Variants in METTL16 observed in about 807,000 individuals in gnomAD.
METTL16 encodes the protein RNA N(6)-adenosine-methyltransferase METTL16.
Under a neutral mutation model 57.9 loss-of-function variants are expected in METTL16, and 19 were observed. The ratio of observed to expected loss-of-function variants is 0.33; its 90% CI spans 0.23 to 0.48. The LOEUF is 0.48. Ranked by LOEUF, METTL16 falls within the 20% of genes least tolerant of loss-of-function variation. The pLI, the probability that METTL16 is intolerant of heterozygous loss-of-function variation, is 0.99. For missense variants in METTL16, 434 were observed against 691.5 expected, an observed-to-expected ratio of 0.63 and a Z score of 4.18; for synonymous variants, 246 against 255.6, an observed-to-expected ratio of 0.96 and a Z score of 0.36.
At chr17:2,456,292 A>T (rs2067109700) in intron 6 of METTL16, among the ~76,000 whole-genome samples, 1 of 152,066 alleles carries the variant, frequency 6.6e-6, no homozygotes, top group South Asian at 2.1e-4. Flanking sequence ...TGACAACCCT[A>T]CTTTGGGTCC....
At chr17:2,437,300 A>G (rs1290806559) in intron 8 of METTL16, among the ~76,000 whole-genome samples, 1 of 152,230 alleles carries the variant, frequency 6.6e-6, no homozygotes, top group Non-Finnish European at 1.5e-5. Context: ...CTAATCTGAA[A>G]GCCAAGACAG....
At position 2,467,823 on chromosome 17, in the gene METTL16, C is replaced by T. The variant is rs773548449; in HGVS notation, c.523G>A (p.Glu175Lys). 5 of 1,614,206 alleles carry T rather than the reference C, an allele frequency of 3.1e-6. No homozygotes were observed. In the Admixed American group the frequency reaches 8.3e-5, roughly 27 times the overall value. ...LLMDALKEESEIIYDFCMCNP... is the reference protein window; with the variant it reads ...LLMDALKEESKIIYDFCMCNP... ...CACATGCAAAAGTCATAGATTATCT[C>T]AGATTCTTCTTTAAGAGCATCCATC... is the stretch of plus-strand genomic sequence containing the variant. The change falls in exon 5 of 10, where the codon GAG becomes AAG. Residue 175 changes from glutamate (E) to lysine (K), a missense_variant. This residue lies in a region of METTL16 where 118 missense variants were observed against 280.0 expected (regional missense o/e 0.42). Coordinates refer to ENST00000263092, the MANE Select transcript of METTL16 (RefSeq NM_024086.4).
chr17:2,441,470 C>T lies in METTL16; in HGVS notation c.798+20G>A. The T allele has an allele frequency of 1.3e-6, 2 of 1,551,146 alleles. No homozygotes were observed. Among genetic ancestry groups the T allele is most frequent in the Non-Finnish European group, 1.7e-6 (2 of 1,144,690 alleles). On this transcript the variant is annotated intron_variant, in intron 7 of 9. Transcript: ENST00000263092. ...ACAAAGAAAAGTAGCTACACGAGAA[C>T]AGTAATGAGGAAGCCTCACCCCTTG...
intron 2 of METTL16, among the ~76,000 whole-genome samples, chr17:2,491,426 T>C (rs1597467999): frequency 6.6e-6 from 1 of 152,180 alleles, no homozygotes. Context: ...TCTAATCCTG[T>C]AGAAGCTGAA....
intron 4 of METTL16, among the ~76,000 whole-genome samples, chr17:2,470,412 C>A (rs2067228014): frequency 6.6e-6 from 1 of 152,154 alleles, no homozygotes; most frequent in South Asian, 2.1e-4. Context: ...CCTTGTTGAG[C>A]CTCAGCTGGG....
intron 2 of METTL16, among the ~76,000 whole-genome samples, chr17:2,490,200 T>G (rs1049123604): frequency 4.6e-5 from 7 of 152,192 alleles, no homozygotes; most frequent in Non-Finnish European, 1.0e-4. Flanking sequence ...TCACCTCACA[T>G]TTCTGTATTA....
intron 6 of METTL16, among the ~76,000 whole-genome samples, chr17:2,446,024 G>C (rs779473343): frequency 6.6e-6 from 1 of 151,996 alleles, no homozygotes; most frequent in Non-Finnish European, 1.5e-5. Flanking sequence ...CACCTCAATA[G>C]ACTAGAAAAA....
At position 2,420,470 on chromosome 17, in the gene METTL16, G is replaced by A. The variant is rs1479006882; in HGVS notation, c.1189C>T (p.Arg397Ter). The A allele has an allele frequency of 6.2e-7, 1 of 1,613,508 alleles. No homozygotes were observed. The highest frequency in any genetic ancestry group is 1.7e-5 in the Admixed American group (1 of 59,984). ...GCCTGAATGACGTCCTCAGGAGCTC[G>A]GGGAACTTCTCTCAGCTGTCTCACA... ...ERVRQLREVP[R>*]APEDVIQALE... Residue 397 changes from arginine to a stop codon, truncating the protein, a stop_gained, in exon 10 of 10, where the codon CGA becomes TGA. Coordinates refer to ENST00000263092, the MANE Select transcript of METTL16 (RefSeq NM_024086.4). LOFTEE classifies it high-confidence loss of function. The surrounding 1 kb of genome is among the most constrained non-coding windows in gnomAD (Gnocchi z 5.4).
At chr17:2,498,773 G>A (rs1165717406) in intron 2 of METTL16, among the ~76,000 whole-genome samples, 3 of 151,454 alleles carry the variant, frequency 2.0e-5, no homozygotes, top group Admixed American at 2.0e-4. Flanking sequence ...GATGAGGATG[G>A]GGATGGGCAA....
At chr17:2,441,066 A>G (rs2066947815) in intron 7 of METTL16, among the ~76,000 whole-genome samples, 1 of 152,260 alleles carries the variant, frequency 6.6e-6, no homozygotes, top group East Asian at 1.9e-4. Flanking sequence ...GTATCCATCA[A>G]CAAAGGACTG....
rs746325149 is a variant in METTL16 at position 2,456,946 on chromosome 17, C to CT, written c.728+7261dup. Among the ~76,000 whole-genome samples, 432 of 143,762 alleles carry CT rather than the reference C, an allele frequency of 3.0e-3. 2 individuals are homozygous for CT. The highest frequency in any genetic ancestry group is 9.0e-3 in the African/African-American group (354 of 39,354). 94.3% of individuals were successfully genotyped at this position (143,762 alleles called of 152,430 possible). A position where few individuals can be genotyped will look rare whatever the true frequency, so the allele number is the denominator to read the frequency against. On this transcript the variant is annotated intron_variant, in intron 6 of 9. Transcript: ENST00000263092. ...GGGATTACAGGCGCATGCACCCGGC[C>CT]TTTTTTTTTTTTTTAAATGCCAAAG...
intron 2 of METTL16, among the ~76,000 whole-genome samples, chr17:2,485,685 T>C (rs2067336244): frequency 6.6e-6 from 1 of 152,228 alleles, no homozygotes; most frequent in Non-Finnish European, 1.5e-5. Flanking sequence ...ATTCAACAAA[T>C]AGTTATTAAG....
At chr17:2,433,742 A>C (rs1182954930) in intron 8 of METTL16, among the ~76,000 whole-genome samples, 1 of 152,222 alleles carries the variant, frequency 6.6e-6, no homozygotes, top group Non-Finnish European at 1.5e-5. Context: ...TACTAAATCT[A>C]CTGGATCCTG....
At chr17:2,444,428 C>A (rs936570589) in intron 6 of METTL16, among the ~76,000 whole-genome samples, 1 of 152,034 alleles carries the variant, frequency 6.6e-6, no homozygotes, top group Non-Finnish European at 1.5e-5. Flanking sequence ...CCAGCCTGGG[C>A]TACAGAGCGA....
intron 6 of METTL16, among the ~76,000 whole-genome samples, chr17:2,454,563 A>T (rs59440108): frequency 0.091 from 11,504 of 126,224 alleles, 1,268 homozygotes; most frequent in African/African-American, 0.25. Flanking sequence ...TATTATTATT[A>T]TTTTTTTTTT....
intron 2 of METTL16, among the ~76,000 whole-genome samples, chr17:2,494,425 C>T (rs1018599606): frequency 6.6e-6 from 1 of 152,146 alleles, no homozygotes; most frequent in Admixed American, 6.6e-5. Flanking sequence ...GGCAATCTTA[C>T]ATCTAGCAAG....
At chr17:2,507,410 A>C (rs895560434) in intron 1 of METTL16, among the ~76,000 whole-genome samples, 3 of 126,228 alleles carry the variant, frequency 2.4e-5, no homozygotes, top group East Asian at 2.7e-4. Flanking sequence ...CAGCCGCCCC[A>C]TCCGGGAGGT....
Position 2,473,427 on chromosome 17 carries a change from G to A in METTL16, c.469+97C>T, listed in dbSNP as rs752021908. On this transcript the variant is annotated intron_variant, in intron 4 of 9. Coordinates refer to ENST00000263092, the MANE Select transcript of METTL16 (RefSeq NM_024086.4). ...AAGTGCCAGATTTTTTTAAATTACC[G>A]AAGTCTGTGTATTAAAGAAAAAGGT... is the stretch of plus-strand genomic sequence containing the variant. 49 of 1,352,504 alleles carry A rather than the reference G, an allele frequency of 3.6e-5. 1 individual carries two copies. The highest frequency in any genetic ancestry group is 7.4e-5 in the African/African-American group (5 of 67,864). 83.8% of individuals were successfully genotyped at this position (1,352,504 alleles called of 1,614,324 possible).
In METTL16 at chr17:2,419,691, G is replaced by C; in HGVS notation, c.*279C>G. 1.6e-6 allele frequency: 1 copy of C among 610,028 alleles called. No individual in the cohort carries two copies. The allele number at this position is 610,028 out of a possible 1,614,324, so 37.8% of individuals were successfully genotyped here. A position where few individuals can be genotyped will look rare whatever the true frequency, so the allele number is the denominator to read the frequency against. On this transcript the variant is annotated 3_prime_UTR_variant, in exon 10 of 10. Transcript: ENST00000263092. ...GAGGCAGTCCAGAGCTGAGGGGCCAGCTTGAGCCAGCTTGCAATCCCTCGG... is the reference window on the plus strand; with the variant it reads ...GAGGCAGTCCAGAGCTGAGGGGCCACCTTGAGCCAGCTTGCAATCCCTCGG...
Sources: allele counts gnomAD v4.1 joint callset (sites outside exome capture counted in the v4.1 genomes callset), GRCh38; gene constraint gnomAD v4.1.1; regional missense constraint gnomAD v4.1.1; non-coding constraint Gnocchi (gnomAD v3.1); transcripts MANE v1.5; gene names NCBI Gene and HGNC (gene_info 2026-07-23, HGNC 2026-07-21).